Variants in CDC42EP4 observed in about 807,000 individuals in gnomAD.
CDC42EP4 encodes the protein CDC42 effector protein 4, also known as CDC42 effector protein (Rho GTPase binding) 4.
In CDC42EP4, 6 loss-of-function variants were observed where a neutral mutation model predicts 5.6. That is an observed-to-expected ratio of 1.07 (90% confidence interval 0.59 to 2.12). The LOEUF (loss-of-function observed/expected upper bound fraction) is 2.12. CDC42EP4 is among the 30% of genes most tolerant of loss of function. CDC42EP4 has a pLI of 0.00. For synonymous variants in CDC42EP4, 230 were observed against 224.2 expected (o/e 1.03, Z -0.23); for missense variants, 490 against 508.6 (o/e 0.96, Z 0.35).
intron 1 of CDC42EP4, among the ~76,000 whole-genome samples, chr17:73,290,047 C>G (rs997589640): frequency 1.3e-5 from 2 of 152,160 alleles, no homozygotes; most frequent in African/African-American, 4.8e-5. Flanking sequence ...AGCAGGGACA[C>G]CAGTCAGGAA....
intron 1 of CDC42EP4, among the ~76,000 whole-genome samples, chr17:73,308,963 G>A (rs184545905): frequency 1.2e-3 from 170 of 145,308 alleles, no homozygotes; most frequent in Admixed American, 1.6e-3. Flanking sequence ...GCTTGAACCC[G>A]GGAGGTGGAG....
At chr17:73,298,238 G>T (rs1005886298) in intron 1 of CDC42EP4, among the ~76,000 whole-genome samples, 1 of 152,134 alleles carries the variant, frequency 6.6e-6, no homozygotes, top group Non-Finnish European at 1.5e-5. Flanking sequence ...ACGTTTATTA[G>T]GTCCTTGTTT....
At position 73,285,799 on chromosome 17, in the gene CDC42EP4, C is replaced by T; in HGVS notation, c.702G>A (p.Glu234=). 3 of 1,604,060 alleles carry T rather than the reference C, an allele frequency of 1.9e-6. No individual in the cohort carries two copies. The highest frequency in any genetic ancestry group is 2.6e-6 in the Non-Finnish European group (3 of 1,171,616). The change falls in exon 2 of 2, where the codon GAG becomes GAA. Residue 234 remains glutamate (E), a synonymous_variant. Transcript: ENST00000335793. This position sits in a 1 kb window ranked among gnomAD's most constrained non-coding sequence, Gnocchi z 6.8. ...IMDKEEWDPE[E]GEGGYHGDEG... is the part of the protein sequence containing the mutation. ...CATCGCCATGGTAACCACCCTCCCC[C>T]TCCTCGGGGTCCCACTCCTCCTTGT... is the stretch of plus-strand genomic sequence containing the variant.
chr17:73,305,946 G>C (rs1163897919), intron 1 of CDC42EP4, among the ~76,000 whole-genome samples: 1 of 152,164 alleles, frequency 6.6e-6, no homozygotes, highest in Non-Finnish European at 1.5e-5. Flanking sequence ...CCCAGGTACA[G>C]ATTCTGCCCT....
chr17:73,289,127 G>A (rs925978506), intron 1 of CDC42EP4, among the ~76,000 whole-genome samples: 2 of 152,158 alleles, frequency 1.3e-5, no homozygotes, highest in African/African-American at 4.8e-5. Context: ...TTTTTGCAAA[G>A]GGCCAGAGAG....
chr17:73,304,766 T>C (rs186347595), intron 1 of CDC42EP4, among the ~76,000 whole-genome samples: 1 of 152,212 alleles, frequency 6.6e-6, no homozygotes, highest in Admixed American at 6.5e-5. Context: ...GGATACGCAG[T>C]TGTGCACACA....
intron 1 of CDC42EP4, chr17:73,310,251 A>G (rs1230840682): frequency 6.6e-6 from 1 of 152,190 alleles, no homozygotes; most frequent in Non-Finnish European, 1.5e-5. Context: ...CCTCCACCCT[A>G]GCCTCAGAAG....
At chr17:73,297,452 C>G (rs1352787520) in intron 1 of CDC42EP4, among the ~76,000 whole-genome samples, 1 of 151,660 alleles carries the variant, frequency 6.6e-6, no homozygotes, top group Non-Finnish European at 1.5e-5. Flanking sequence ...CCAGCTTGGG[C>G]AATAGAGTGA....
chr17:73,289,854 A>C lies in CDC42EP4; in HGVS notation c.-112-3242T>G, dbSNP rs940204681. On this transcript the variant is annotated intron_variant, in intron 1 of 1. Transcript: ENST00000335793. Reference sequence around the variant, plus strand: ...GAAAGAAGGAAAGGAAAGGAAGAGAAGAAAGGAAGAAAGGAAAAGAAAAGC... The same window carrying C: ...GAAAGAAGGAAAGGAAAGGAAGAGACGAAAGGAAGAAAGGAAAAGAAAAGC... Among the ~76,000 whole-genome samples, 4 of 151,908 alleles carry C rather than the reference A, an allele frequency of 2.6e-5. No homozygotes were observed. In the South Asian group the frequency reaches 6.2e-4, roughly 24 times the overall value.
chr17:73,300,135 C>T (rs945814694), intron 1 of CDC42EP4, among the ~76,000 whole-genome samples: 2 of 152,166 alleles, frequency 1.3e-5, no homozygotes, highest in African/African-American at 2.4e-5. Flanking sequence ...CCTCACTGCC[C>T]GCGTGCCAAT....
intron 1 of CDC42EP4, chr17:73,310,793 A>ACG: frequency 7.7e-6 from 1 of 129,356 alleles, no homozygotes; most frequent in Admixed American, 7.5e-5. Context: ...ACACACACAC[A>ACG]CGCACTTCAG....
At chr17:73,289,816 A>T (rs201439498) in intron 1 of CDC42EP4, among the ~76,000 whole-genome samples, 1 of 100,210 alleles carries the variant, frequency 1.0e-5, no homozygotes, top group African/African-American at 3.1e-5. Flanking sequence ...GAAAGAGAGA[A>T]AGAAAAAGAA....
intron 1 of CDC42EP4, among the ~76,000 whole-genome samples, chr17:73,294,073 G>A (rs74565805): frequency 0.1 from 15,203 of 152,116 alleles, 1,076 homozygotes; most frequent in Admixed American, 0.2. Context: ...ACACAAGGCC[G>A]GGCGTGGTGG....
chr17:73,287,813 A>G (rs1221415219), intron 1 of CDC42EP4, among the ~76,000 whole-genome samples: 1 of 151,984 alleles, frequency 6.6e-6, no homozygotes, highest in African/African-American at 2.4e-5. Flanking sequence ...CTTCCTCCGC[A>G]TGCCTGCCGC....
rs57714877 is a variant in CDC42EP4, at chr17:73,309,038, CAAA to C, written c.-113+2852_-113+2854del. On this transcript the variant is annotated intron_variant, in intron 1 of 1. Transcript: ENST00000335793. ...GGGCAACAGAGCAAAGCTCTGTCTCCAAAAAAAAAAAAAAAAAAAAGGGTTGGC... is the reference window on the plus strand; with the variant it reads ...GGGCAACAGAGCAAAGCTCTGTCTCCAAAAAAAAAAAAAAAAAGGGTTGGC... Among the ~76,000 whole-genome samples the C allele has an allele frequency of 1.8e-3, 61 of 34,014 alleles. 1 individual carries two copies. In the South Asian group the frequency reaches 0.025, roughly 14 times the overall value. 22.3% of individuals were successfully genotyped at this position (34,014 alleles called of 152,430 possible).
At chr17:73,287,402 G>C (rs985160551) in intron 1 of CDC42EP4, among the ~76,000 whole-genome samples, 2 of 152,168 alleles carry the variant, frequency 1.3e-5, no homozygotes, top group South Asian at 4.1e-4. Flanking sequence ...ATCATTAGGG[G>C]AGTGGGAGGC....
Position 73,286,564 on chromosome 17 carries a change from A to C in CDC42EP4, c.-64T>G. The stretch of plus-strand genomic sequence containing the variant: ...GCCGGCAGGTCTGGGGTCAGATCTG[A>C]AGTCCAAGTCCAGTGGGCAGAGGGG... On this transcript the variant is annotated 5_prime_UTR_variant, in exon 2 of 2. Transcript: ENST00000335793. This position sits in a 1 kb window ranked among gnomAD's most constrained non-coding sequence, Gnocchi z 7.7. 8.0e-7 allele frequency: 1 copy of C among 1,248,742 alleles called. No homozygotes were observed. Among genetic ancestry groups the C allele is most frequent in the East Asian group, 2.5e-5 (1 of 40,376 alleles). The allele number at this position is 1,248,742 out of a possible 1,614,324, so 77.4% of individuals were successfully genotyped here.
chr17:73,289,685 A>G lies in CDC42EP4; in HGVS notation c.-112-3073T>C, dbSNP rs898710263. Among the ~76,000 whole-genome samples, 6 of 116,316 alleles carry G rather than the reference A, an allele frequency of 5.2e-5. No homozygotes were observed. In the East Asian group the frequency reaches 1.8e-3, roughly 36 times the overall value. The allele number at this position is 116,316 out of a possible 152,430, so 76.3% of individuals were successfully genotyped here. ...TCATATATGACCCTCTTGGCCAGCC[A>G]TGGGCTCCTAGGCAAAACTCTGAAG... On this transcript the variant is annotated intron_variant, in intron 1 of 1. Coordinates refer to ENST00000335793, the MANE Select transcript of CDC42EP4 (RefSeq NM_012121.5).
Position 73,283,875 on chromosome 17 carries a change from CGGG to C in CDC42EP4, c.*1552_*1554del, listed in dbSNP as rs2062115356. ...GAGAGTCAGGCAAGAGAGGAGGGGC[CGGG>C]CCACAGTCGCCATGGGGACGCCCCT... is the stretch of plus-strand genomic sequence containing the variant. On this transcript the variant is annotated 3_prime_UTR_variant, in exon 2 of 2. Coordinates refer to ENST00000335793, the MANE Select transcript of CDC42EP4 (RefSeq NM_012121.5). 1.3e-5 allele frequency: 2 copies of C among 152,222 alleles called. No homozygotes were observed. The highest frequency in any genetic ancestry group is 2.1e-4 in the South Asian group (1 of 4,834). 9.4% of individuals were successfully genotyped at this position (152,222 alleles called of 1,614,324 possible).
Sources: gnomAD v4.1 joint callset for allele counts (sites outside exome capture counted in the v4.1 genomes callset) on GRCh38, gnomAD v4.1.1 for gene constraint, Gnocchi (gnomAD v3.1) non-coding constraint, MANE v1.5 for transcripts, NCBI Gene and HGNC (gene_info 2026-07-23, HGNC 2026-07-21) for gene names.